CFAP299: variants seen among roughly 807,000 people sequenced by gnomAD.
CFAP299 encodes cilia- and flagella-associated protein 299.
A neutral mutation model predicts 27.0 loss-of-function variants in CFAP299; 21 were observed. The observed-to-expected ratio is 0.78, with a 90% CI of 0.55 to 1.12. The LOEUF (loss-of-function observed/expected upper bound fraction) is 1.12. Ranked by LOEUF, CFAP299 falls within the 50% of genes most tolerant of loss-of-function variation. The probability of loss-of-function intolerance (pLI) is 0.00; values close to 1 mark genes in which losing one functional copy is unlikely to be tolerated. For missense variants in CFAP299, 310 were observed against 276.6 expected, an observed-to-expected ratio of 1.12 and a Z score of -0.86; for synonymous variants, 104 against 98.1, an observed-to-expected ratio of 1.06 and a Z score of -0.36.
At chr4:80,673,576 G>A (rs1467098245) in intron 3 of CFAP299, among the ~76,000 whole-genome samples, 2 of 152,092 alleles carry the variant, frequency 1.3e-5, no homozygotes, top group Non-Finnish European at 2.9e-5. Context: ...TTAACCTTCT[G>A]TCTTGGTCTT....
chr4:80,937,573 G>C (rs921701773), intron 4 of CFAP299, among the ~76,000 whole-genome samples: 6 of 151,270 alleles, frequency 4.0e-5, no homozygotes, highest in Non-Finnish European at 8.8e-5. Context: ...TGCCCACCTT[G>C]GCCTCAGGAA....
chr4:80,931,873 A>G (rs1736640667), intron 4 of CFAP299, among the ~76,000 whole-genome samples: 1 of 152,150 alleles, frequency 6.6e-6, no homozygotes, highest in African/African-American at 2.4e-5. Flanking sequence ...CCTGAGAGGA[A>G]ACAACTGTTT....
rs75872602 is a variant in CFAP299, at chr4:80,963,456, A to T, written c.607-61A>T. ...TATAAAGCAAAAAAATAAAAAAAAA[A>T]TTTTAAAAAAGGCCAAGTATTTTTA... On this transcript the variant is annotated intron_variant, in intron 5 of 5. Coordinates refer to ENST00000358105, the MANE Select transcript of CFAP299 (RefSeq NM_152770.3). 3.6e-3 allele frequency: 3,922 copies of T among 1,091,022 alleles called. 33 individuals carry two copies. Among genetic ancestry groups the T allele is most frequent in the African/African-American group, 0.024 (1,429 of 60,242 alleles). 67.6% of individuals were successfully genotyped at this position (1,091,022 alleles called of 1,614,324 possible). A position where few individuals can be genotyped will look rare whatever the true frequency, so the allele number is the denominator to read the frequency against.
chr4:80,746,181 C>T (rs1724578513), intron 3 of CFAP299, among the ~76,000 whole-genome samples: 1 of 151,954 alleles, frequency 6.6e-6, no homozygotes, highest in Non-Finnish European at 1.5e-5. Context: ...AATAAATTAA[C>T]CACCTAGACC....
In CFAP299 at chr4:80,666,423, G is replaced by A. The variant is rs373479578; in HGVS notation, c.333+83240G>A. On this transcript the variant is annotated intron_variant, in intron 3 of 5. Coordinates refer to ENST00000358105, the MANE Select transcript of CFAP299 (RefSeq NM_152770.3). ...ATATAATCAGATTCTACTGGAGATC[G>A]CCACTGGGTTCAAATACCATAACAT... Among the ~76,000 whole-genome samples, 47 of 152,110 alleles carry A rather than the reference G, an allele frequency of 3.1e-4. No individual in the cohort carries two copies. The East Asian group carries it at 7.4e-3, about 24-fold the overall frequency.
At chr4:80,555,253 A>C (rs996514551) in intron 2 of CFAP299, among the ~76,000 whole-genome samples, 3 of 152,274 alleles carry the variant, frequency 2.0e-5, no homozygotes, top group Admixed American at 2.0e-4. Context: ...TATTGAAATA[A>C]TCATGTAGTT....
rs546920602 is a variant in CFAP299 at position 80,799,196 on chromosome 4, T to C, written c.334-70797T>C. On this transcript the variant is annotated intron_variant, in intron 3 of 5. Coordinates refer to ENST00000358105, the MANE Select transcript of CFAP299 (RefSeq NM_152770.3). ...TATATATTGTATAAATATATTTATATAATATTTATATATATATTGTATAAA... is the reference window on the plus strand; with the variant it reads ...TATATATTGTATAAATATATTTATACAATATTTATATATATATTGTATAAA... Among the ~76,000 whole-genome samples the C allele has an allele frequency of 3.2e-4, 36 of 113,552 alleles. 2 individuals are homozygous for C. The highest frequency in any genetic ancestry group is 7.1e-4 in the Admixed American group (6 of 8,490). The allele number at this position is 113,552 out of a possible 152,430, so 74.5% of individuals were successfully genotyped here. A position where few individuals can be genotyped will look rare whatever the true frequency, so the allele number is the denominator to read the frequency against.
intron 2 of CFAP299, among the ~76,000 whole-genome samples, chr4:80,435,268 A>G (rs1432564735): frequency 6.6e-6 from 1 of 152,196 alleles, no homozygotes; most frequent in Non-Finnish European, 1.5e-5. Context: ...TTCCCACCCA[A>G]ACAAAATGGC....
At chr4:80,931,111 T>C (rs1044431814) in intron 4 of CFAP299, among the ~76,000 whole-genome samples, 3 of 151,976 alleles carry the variant, frequency 2.0e-5, no homozygotes, top group Admixed American at 6.6e-5. Context: ...GAATATCCTC[T>C]CCATTGATTT....
At chr4:80,390,493 A>ATATATGTATATATACACATATATATG (rs1725268297) in intron 2 of CFAP299, among the ~76,000 whole-genome samples, 2 of 129,632 alleles carry the variant, frequency 1.5e-5, no homozygotes, top group African/African-American at 3.0e-5. Flanking sequence ...CTCTCTCTCT[A>ATATATGTATATATACACATATATATG]TATATATGTA....
At chr4:80,902,769 G>T (rs1402455813) in intron 4 of CFAP299, among the ~76,000 whole-genome samples, 4 of 151,464 alleles carry the variant, frequency 2.6e-5, no homozygotes, top group Admixed American at 2.6e-4. Flanking sequence ...AACTTTTAAA[G>T]ACTTTGATAA....
Position 80,629,089 on chromosome 4 carries a change from T to C in CFAP299, c.333+45906T>C, listed in dbSNP as rs1739069665. Among the ~76,000 whole-genome samples the C allele has an allele frequency of 2.0e-5, 3 of 152,192 alleles. No individual in the cohort carries two copies. In the South Asian group the frequency reaches 6.2e-4, roughly 32 times the overall value. On this transcript the variant is annotated intron_variant, in intron 3 of 5. Coordinates refer to ENST00000358105, the MANE Select transcript of CFAP299 (RefSeq NM_152770.3). ...ACCTAAGTTTCCATTACTGAATGAG[T>C]GGATTAAAAAATGTGGACACAATGG...
intron 4 of CFAP299, among the ~76,000 whole-genome samples, chr4:80,927,219 T>G (rs919685268): frequency 6.6e-6 from 1 of 152,128 alleles, no homozygotes; most frequent in African/African-American, 2.4e-5. Context: ...GTGTTATATT[T>G]TTGTTATTTC....
intron 5 of CFAP299, 144 bp downstream of exon 5, chr4:80,945,083 C>G: frequency 1.3e-6 from 1 of 745,542 alleles, no homozygotes; most frequent in Non-Finnish European, 2.2e-6. Flanking sequence ...AGAGCATGTA[C>G]TACCTTTTAA....
At chr4:80,532,398 C>CT (rs1306021722) in intron 2 of CFAP299, among the ~76,000 whole-genome samples, 4 of 152,062 alleles carry the variant, frequency 2.6e-5, no homozygotes, top group Admixed American at 2.0e-4. Context: ...ATCTTTTTGA[C>CT]TTTTTAAAAA....
At chr4:80,693,935 C>G (rs1036178989) in intron 3 of CFAP299, among the ~76,000 whole-genome samples, 3 of 151,592 alleles carry the variant, frequency 2.0e-5, no homozygotes, top group Non-Finnish European at 4.4e-5. Context: ...AGATTATTGC[C>G]CTTATGACTT....
chr4:80,795,030 T>A (rs1209291918), intron 3 of CFAP299, among the ~76,000 whole-genome samples: 10 of 152,058 alleles, frequency 6.6e-5, no homozygotes, highest in Non-Finnish European at 1.5e-4. Flanking sequence ...CATGGGCCCA[T>A]TGGGAGATGA....
At chr4:80,704,263 A>C (rs1186867805) in intron 3 of CFAP299, among the ~76,000 whole-genome samples, 1 of 151,708 alleles carries the variant, frequency 6.6e-6, no homozygotes, top group African/African-American at 2.4e-5. Context: ...AATGAAGATA[A>C]AGATGGGGAA....
At chr4:80,631,300 T>C (rs1053159376) in intron 3 of CFAP299, among the ~76,000 whole-genome samples, 1 of 152,088 alleles carries the variant, frequency 6.6e-6, no homozygotes, top group African/African-American at 2.4e-5. Context: ...CTTATTAGTT[T>C]ATTTAAATAT....
Sources: allele counts gnomAD v4.1 joint callset (sites outside exome capture counted in the v4.1 genomes callset), GRCh38; gene constraint gnomAD v4.1.1; transcripts MANE v1.5; gene names NCBI Gene and HGNC (gene_info 2026-07-23, HGNC 2026-07-21).